ZHX2: variants seen among roughly 807,000 people sequenced by gnomAD.
ZHX2 encodes zinc fingers and homeoboxes protein 2.
In ZHX2, 6 loss-of-function variants were observed where a neutral mutation model predicts 21.9. That is an observed-to-expected ratio of 0.27 (90% CI 0.15 to 0.54). ZHX2 has a LOEUF of 0.54. Among genes scored for constraint, ZHX2 ranks in the 20% least tolerant of loss-of-function variants. The pLI is 0.95. For synonymous variants in ZHX2, 434 were observed against 437.1 expected (o/e 0.99, Z 0.09); for missense variants, 908 against 1,090.7 (o/e 0.83, Z 2.36).
In ZHX2 at chr8:122,871,728, CAAAAAA is replaced by C. The variant is rs35881741; in HGVS notation, c.-220+8203_-220+8208del. The stretch of plus-strand genomic sequence containing the variant: ...TAATAAATAAATTCCTTTCTCAGGG[CAAAAAA>C]AAAAAAAAAAAAACTATGTCTGGTA... On this transcript the variant is annotated intron_variant, in intron 2 of 3. Coordinates refer to ENST00000314393, the MANE Select transcript of ZHX2 (RefSeq NM_014943.5). Among the ~76,000 whole-genome samples, 42 of 107,946 alleles carry C rather than the reference CAAAAAA, an allele frequency of 3.9e-4. 1 individual carries two copies. The highest frequency in any genetic ancestry group is 4.1e-4 in the Admixed American group (4 of 9,666). The allele number at this position is 107,946 out of a possible 152,430, so 70.8% of individuals were successfully genotyped here.
chr8:122,934,690 C>T (rs2130166516), intron 2 of ZHX2, among the ~76,000 whole-genome samples: 1 of 151,442 alleles, frequency 6.6e-6, no homozygotes, highest in East Asian at 1.9e-4. Context: ...TTCCCTCCTT[C>T]GTTTCTTTCT....
intron 2 of ZHX2, among the ~76,000 whole-genome samples, chr8:122,889,402 T>C (rs1372328281): frequency 6.6e-6 from 1 of 152,242 alleles, no homozygotes; most frequent in Admixed American, 6.5e-5. Flanking sequence ...ATTTTTTGTC[T>C]TTTTGATAAT....
At chr8:122,891,656 A>G (rs148257163) in intron 2 of ZHX2, among the ~76,000 whole-genome samples, 51 of 152,240 alleles carry the variant, frequency 3.3e-4, no homozygotes, top group Admixed American at 9.2e-4. Flanking sequence ...AAATGTGTCA[A>G]TTTCTTTCTT....
chr8:122,969,169 A>G (rs550763064), intron 3 of ZHX2, among the ~76,000 whole-genome samples: 4 of 149,666 alleles, frequency 2.7e-5, no homozygotes, highest in African/African-American at 5.1e-5. Context: ...TCAAAAAAAA[A>G]AGAGAGAGAG....
intron 1 of ZHX2, among the ~76,000 whole-genome samples, chr8:122,792,557 C>A (rs1817537896): frequency 1.3e-5 from 2 of 152,270 alleles, no homozygotes; most frequent in East Asian, 1.9e-4. Context: ...AACAGTTCCC[C>A]AAAGTGGATG....
At chr8:122,805,449 C>T (rs545132527) in intron 1 of ZHX2, among the ~76,000 whole-genome samples, 104 of 152,232 alleles carry the variant, frequency 6.8e-4, no homozygotes, top group African/African-American at 2.2e-3. Flanking sequence ...ACACAGGTAC[C>T]GACAGTTAGA....
intron 2 of ZHX2, among the ~76,000 whole-genome samples, chr8:122,886,200 C>A (rs942033568): frequency 1.3e-5 from 2 of 152,146 alleles, no homozygotes; most frequent in Admixed American, 6.5e-5. Flanking sequence ...ACCTTCAATG[C>A]ATATTGCTAA....
intron 2 of ZHX2, among the ~76,000 whole-genome samples, chr8:122,877,299 A>G (rs1311486578): frequency 6.6e-6 from 1 of 152,226 alleles, no homozygotes; most frequent in East Asian, 1.9e-4. Context: ...CAGTGGGCAC[A>G]TGGTAAGCAG....
At chr8:122,970,819 G>T (rs1023766803) in intron 3 of ZHX2, among the ~76,000 whole-genome samples, 1 of 152,188 alleles carries the variant, frequency 6.6e-6, no homozygotes, top group African/African-American at 2.4e-5. Context: ...AGTGCATGTG[G>T]CTCTGCCTGG....
chr8:122,953,322 G>A lies in ZHX2; in HGVS notation c.1812G>A (p.Val604=). Residue 604 remains valine (V), a synonymous_variant, in exon 3 of 4, where the codon GTG becomes GTA. Coordinates refer to ENST00000314393, the MANE Select transcript of ZHX2 (RefSeq NM_014943.5). This position sits in a 1 kb window ranked among gnomAD's most constrained non-coding sequence, Gnocchi z 4.6. ...SMGSGKKGQD[V]GAPNGALSRL... The stretch of plus-strand genomic sequence containing the variant: ...GGTCTGGCAAAAAAGGCCAAGATGT[G>A]GGAGCCCCCAATGGTGCTCTGTCTC... 3.1e-6 allele frequency: 5 copies of A among 1,614,046 alleles called. No homozygotes were observed. Among genetic ancestry groups the A allele is most frequent in the Admixed American group, 3.3e-5 (2 of 60,014 alleles).
chr8:122,911,720 A>G (rs1179566739), intron 2 of ZHX2, among the ~76,000 whole-genome samples: 2 of 152,176 alleles, frequency 1.3e-5, no homozygotes, highest in Admixed American at 6.5e-5. Context: ...GACAGGCCTA[A>G]GCAAATAATC....
chr8:122,782,582 G>C lies in ZHX2; in HGVS notation c.-283+636G>C, dbSNP rs1817310930. Among the ~76,000 whole-genome samples, 1 of 152,184 alleles carries C rather than the reference G, an allele frequency of 6.6e-6. No individual in the cohort carries two copies. Among genetic ancestry groups the C allele is most frequent in the Admixed American group, 6.5e-5 (1 of 15,290 alleles). Reference sequence around the variant, plus strand: ...GTGGTGGCAGGAAGCATGACGCCGTGGGCCGAGGCTGCCTCTGCTCTCGTC... The same window carrying C: ...GTGGTGGCAGGAAGCATGACGCCGTCGGCCGAGGCTGCCTCTGCTCTCGTC... On this transcript the variant is annotated intron_variant, in intron 1 of 3. Transcript: ENST00000314393. The surrounding 1 kb of genome is among the most constrained non-coding windows in gnomAD (Gnocchi z 5.3).
At chr8:122,963,388 C>T (rs755338998) in intron 3 of ZHX2, among the ~76,000 whole-genome samples, 1 of 152,136 alleles carries the variant, frequency 6.6e-6, no homozygotes, top group Non-Finnish European at 1.5e-5. Context: ...TGTCCTTTCC[C>T]CACTTTATGT....
At chr8:122,889,524 C>G (rs1234165509) in intron 2 of ZHX2, among the ~76,000 whole-genome samples, 1 of 152,152 alleles carries the variant, frequency 6.6e-6, no homozygotes, top group Non-Finnish European at 1.5e-5. Flanking sequence ...ATATGAATAT[C>G]TTCTTTTGTG....
intron 1 of ZHX2, among the ~76,000 whole-genome samples, chr8:122,825,459 C>T (rs1050647930): frequency 6.6e-6 from 1 of 152,178 alleles, no homozygotes; most frequent in African/African-American, 2.4e-5. Context: ...TACACCCCAT[C>T]CCTGTTCTTG....
intron 1 of ZHX2, among the ~76,000 whole-genome samples, chr8:122,783,623 C>G (rs1817336888): frequency 6.6e-6 from 1 of 152,106 alleles, no homozygotes; most frequent in Non-Finnish European, 1.5e-5. Flanking sequence ...ATGAGGGCAG[C>G]GAGTTTAAGC....
intron 1 of ZHX2, among the ~76,000 whole-genome samples, chr8:122,803,506 G>A (rs1817758594): frequency 6.6e-6 from 1 of 152,190 alleles, no homozygotes; most frequent in Admixed American, 6.5e-5. Flanking sequence ...GCTGTCCTGT[G>A]CATCATAGGG....
At chr8:122,944,714 A>C (rs1437463227) in intron 2 of ZHX2, among the ~76,000 whole-genome samples, 1 of 152,148 alleles carries the variant, frequency 6.6e-6, no homozygotes, top group East Asian at 1.9e-4. Flanking sequence ...GTGTTTGTCG[A>C]CTGCAGGAAC....
intron 1 of ZHX2, among the ~76,000 whole-genome samples, chr8:122,810,030 A>T (rs765135045): frequency 2.0e-5 from 3 of 152,182 alleles, no homozygotes; most frequent in Non-Finnish European, 4.4e-5. Context: ...GACCATGGGC[A>T]TGTATCTGTC....
Sources: allele counts gnomAD v4.1 joint callset (sites outside exome capture counted in the v4.1 genomes callset), GRCh38; gene constraint gnomAD v4.1.1; non-coding constraint Gnocchi (gnomAD v3.1); transcripts MANE v1.5; gene names NCBI Gene and HGNC (gene_info 2026-07-23, HGNC 2026-07-21).